The following PTPRD variants were observed in gnomAD, a reference collection of about 807,000 sequenced individuals.
The protein encoded by PTPRD is protein tyrosine phosphatase receptor type D.
PTPRD carries 34 observed loss-of-function variants against 214.5 expected under a neutral mutation model. The observed-to-expected ratio is 0.16, with a 90% CI of 0.12 to 0.21. The LOEUF is 0.21. Ranked by LOEUF, PTPRD falls within the 10% of genes least tolerant of loss-of-function variation. The probability of loss-of-function intolerance (pLI) is 1.00; values close to 1 mark genes in which losing one functional copy is unlikely to be tolerated. For synonymous variants in PTPRD, 1,128 were observed against 845.7 expected (o/e 1.33, Z -5.79); for missense variants, 2,545 against 2,398.7 (o/e 1.06, Z -1.27).
intron 12 of PTPRD, among the ~76,000 whole-genome samples, chr9:8,709,490 G>C (rs1367300420): frequency 1.4e-5 from 2 of 147,552 alleles, no homozygotes; most frequent in Non-Finnish European, 3.0e-5. Context: ...ACTCCAGCCT[G>C]GGAGACAGAG....
At chr9:10,105,582 T>C (rs1414065322) in intron 3 of PTPRD, among the ~76,000 whole-genome samples, 1 of 151,822 alleles carries the variant, frequency 6.6e-6, no homozygotes, top group African/African-American at 2.4e-5. Context: ...TGCAGCTCTG[T>C]GATTCTAACA....
At chr9:10,066,907 G>T (rs2097896895) in intron 3 of PTPRD, among the ~76,000 whole-genome samples, 1 of 151,570 alleles carries the variant, frequency 6.6e-6, no homozygotes, top group African/African-American at 2.4e-5. Flanking sequence ...ATATCTTACA[G>T]AAATCTCACT....
rs149868816 is a variant in PTPRD at position 8,562,796 on chromosome 9, T to G, written c.353-34017A>C. On this transcript the variant is annotated intron_variant, in intron 14 of 45. Coordinates refer to ENST00000381196, the MANE Select transcript of PTPRD (RefSeq NM_002839.4). ...TGTAGGTTATCATTAAGATTCATGT[T>G]TTTGGTGTTGTAGCTGAAAAACATT... 1.1e-3 allele frequency among the ~76,000 whole-genome samples: 170 copies of G among 152,254 alleles called. 1 individual carries two copies. The highest frequency in any genetic ancestry group is 3.9e-3 in the African/African-American group (161 of 41,570).
At chr9:8,882,833 C>T (rs972016392) in intron 11 of PTPRD, among the ~76,000 whole-genome samples, 12 of 141,754 alleles carry the variant, frequency 8.5e-5, no homozygotes, top group Non-Finnish European at 1.5e-4. Flanking sequence ...TGCCGTAAGC[C>T]GAGATCACAC....
At chr9:9,413,973 G>A (rs912417171) in intron 8 of PTPRD, among the ~76,000 whole-genome samples, 6 of 152,104 alleles carry the variant, frequency 3.9e-5, no homozygotes, top group Non-Finnish European at 4.4e-5. Context: ...GAATTTTCAG[G>A]GAAAGAGTAG....
At chr9:9,947,635 T>A (rs571961093) in intron 4 of PTPRD, among the ~76,000 whole-genome samples, 1,622 of 73,424 alleles carry the variant, frequency 0.022, 29 homozygotes, top group Non-Finnish European at 0.033. Context: ...AAATATATAT[T>A]TTATATATAT....
At chr9:9,606,148 C>A (rs2094138318) in intron 7 of PTPRD, among the ~76,000 whole-genome samples, 1 of 151,926 alleles carries the variant, frequency 6.6e-6, no homozygotes, top group South Asian at 2.1e-4. Context: ...TTGTAGATAA[C>A]CATAAGCACT....
chr9:9,512,985 T>G (rs911827308), intron 8 of PTPRD, among the ~76,000 whole-genome samples: 1 of 151,958 alleles, frequency 6.6e-6, no homozygotes, highest in Non-Finnish European at 1.5e-5. Flanking sequence ...CATTTCTTCC[T>G]TTTAGCAAAT....
rs571770142 is a variant in PTPRD at position 10,042,388 on chromosome 9, C to T, written c.-544-8598G>A. On this transcript the variant is annotated intron_variant, in intron 3 of 45. Coordinates refer to ENST00000381196, the MANE Select transcript of PTPRD (RefSeq NM_002839.4). Reference sequence around the variant, plus strand: ...CTATTAAAGCACCATAGATTGCCAACTTACACAAAGGTAGCTCTATAGAGC... The same window carrying T: ...CTATTAAAGCACCATAGATTGCCAATTTACACAAAGGTAGCTCTATAGAGC... 7.2e-5 allele frequency among the ~76,000 whole-genome samples: 11 copies of T among 152,058 alleles called. No homozygotes were observed. The East Asian group carries it at 2.1e-3, about 29-fold the overall frequency.
intron 12 of PTPRD, among the ~76,000 whole-genome samples, chr9:8,717,687 G>C (rs1247122015): frequency 6.6e-6 from 1 of 152,152 alleles, no homozygotes; most frequent in Non-Finnish European, 1.5e-5. Context: ...ACCTTCACAT[G>C]TTTTTATTAA....
intron 3 of PTPRD, among the ~76,000 whole-genome samples, chr9:10,193,678 T>G (rs2099384434): frequency 6.6e-6 from 1 of 152,166 alleles, no homozygotes; most frequent in African/African-American, 2.4e-5. Context: ...CTTTGTAAGA[T>G]TCTATTAGCA....
chr9:9,224,845 G>A (rs770613834), intron 9 of PTPRD, among the ~76,000 whole-genome samples: 1 of 151,904 alleles, frequency 6.6e-6, no homozygotes, highest in Non-Finnish European at 1.5e-5. Flanking sequence ...ACAATAAAAA[G>A]ATACATGGGA....
chr9:10,243,185 G>C (rs1345090453), intron 3 of PTPRD, among the ~76,000 whole-genome samples: 1 of 151,836 alleles, frequency 6.6e-6, no homozygotes, highest in Non-Finnish European at 1.5e-5. Flanking sequence ...TTACTGTCTT[G>C]CTTATTTCTA....
intron 2 of PTPRD, among the ~76,000 whole-genome samples, chr9:10,460,835 G>T (rs750789779): frequency 2.1e-4 from 32 of 152,172 alleles, no homozygotes; most frequent in Non-Finnish European, 4.3e-4. Context: ...TCTTAGCAAT[G>T]ATTTATTGGG....
At position 9,791,609 on chromosome 9, in the gene PTPRD, CTTCCT is replaced by C. The variant is rs570174196; in HGVS notation, c.-367-24763_-367-24759del. Among the ~76,000 whole-genome samples the C allele has an allele frequency of 9.2e-5, 14 of 152,160 alleles. No homozygotes were observed. The South Asian group carries it at 2.9e-3, about 32-fold the overall frequency. On this transcript the variant is annotated intron_variant, in intron 5 of 45. Transcript: ENST00000381196. Reference sequence around the variant, plus strand: ...AAGAGCCTTGGCATTCTCTGTCTTTCTTCCTTTCATCTTTCTTTTACATTATTTGC... The same window carrying C: ...AAGAGCCTTGGCATTCTCTGTCTTTCTTCATCTTTCTTTTACATTATTTGC...
At chr9:9,026,425 T>A (rs2099587278) in intron 10 of PTPRD, among the ~76,000 whole-genome samples, 1 of 151,954 alleles carries the variant, frequency 6.6e-6, no homozygotes, top group South Asian at 2.1e-4. Context: ...GCTACCATGA[T>A]AATAATGAGG....
intron 10 of PTPRD, among the ~76,000 whole-genome samples, chr9:9,166,638 G>A (rs1326875152): frequency 1.3e-5 from 2 of 152,112 alleles, no homozygotes; most frequent in African/African-American, 4.8e-5. Flanking sequence ...CTTGCTTGTA[G>A]ACTACTTAGG....
chr9:8,793,076 C>A (rs143320101), intron 11 of PTPRD, among the ~76,000 whole-genome samples: 5 of 152,304 alleles, frequency 3.3e-5, no homozygotes, highest in African/African-American at 9.6e-5. Flanking sequence ...ACAGATGACT[C>A]GTACCTGGGT....
rs563224833 is a variant in PTPRD at position 9,543,555 on chromosome 9, G to A, written c.-237+31177C>T. Among the ~76,000 whole-genome samples the A allele has an allele frequency of 4.0e-5, 6 of 151,598 alleles. No individual in the cohort carries two copies. The South Asian group carries it at 8.3e-4, about 21-fold the overall frequency. The stretch of plus-strand genomic sequence containing the variant: ...AAGATTTACTAAGTTTTCCAAGGTA[G>A]GGTAGATTTAATGATAGATTTTTTG... On this transcript the variant is annotated intron_variant, in intron 8 of 45. Coordinates refer to ENST00000381196, the MANE Select transcript of PTPRD (RefSeq NM_002839.4).
Sources: gnomAD v4.1 joint callset for allele counts (sites outside exome capture counted in the v4.1 genomes callset) on GRCh38, gnomAD v4.1.1 for gene constraint, MANE v1.5 for transcripts, NCBI Gene and HGNC (gene_info 2026-07-23, HGNC 2026-07-21) for gene names.